HUWE1: variants seen among roughly 807,000 people sequenced by gnomAD.
The protein encoded by HUWE1 is HECT, UBA and WWE domain containing E3 ubiquitin protein ligase 1, also known as E3 ubiquitin-protein ligase HUWE1.
In HUWE1, 18 loss-of-function variants were observed where a neutral mutation model predicts 299.4. The ratio of observed to expected loss-of-function variants is 0.06; its 90% CI spans 0.04 to 0.09. The LOEUF is 0.09. Among genes scored for constraint, HUWE1 ranks in the 10% least tolerant of loss-of-function variants. The pLI is 1.00. For synonymous variants in HUWE1, 1,317 were observed against 1,286.1 expected (o/e 1.02, Z -0.51); for missense variants, 1,832 against 3,462.3 (o/e 0.53, Z 11.82).
chrX:53,556,677 T>C (rs1254036558), intron 60 of HUWE1, among the ~76,000 whole-genome samples: 1 of 111,584 alleles, frequency 9.0e-6, no homozygotes, highest in Non-Finnish European at 1.9e-5. Flanking sequence ...GCTACCTTCA[T>C]GAACAGCACA....
intron 47 of HUWE1, among the ~76,000 whole-genome samples, chrX:53,570,396 G>T (rs1324003475): frequency 4.4e-5 from 5 of 112,537 alleles, no homozygotes; most frequent in African/African-American, 1.6e-4. Flanking sequence ...TAAAGAAGTG[G>T]CTTGCACAGA....
rs782576498 is a variant in HUWE1 at position 53,536,418 on chromosome X, A to G, written c.12387T>C (p.Thr4129=). ...YDNRLLECYF[T]RSFYKHILGK... is the part of the protein sequence containing the mutation. ...CCAAGATGTGTTTGTAAAAGGATCGAGTAAAGTAGCACTCCAGAAGACGGT... is the reference window on the plus strand; with the variant it reads ...CCAAGATGTGTTTGTAAAAGGATCGGGTAAAGTAGCACTCCAGAAGACGGT... Residue 4129 remains threonine, a synonymous_variant, in exon 79 of 84, where the codon ACT becomes ACC. Coordinates refer to ENST00000262854, the MANE Select transcript of HUWE1 (RefSeq NM_031407.7). 1 of 1,211,299 alleles carries G rather than the reference A, an allele frequency of 8.3e-7. No homozygotes were observed. Among genetic ancestry groups the G allele is most frequent in the East Asian group, 3.0e-5 (1 of 33,833 alleles).
intron 12 of HUWE1, among the ~76,000 whole-genome samples, chrX:53,630,499 C>T (rs930864138): frequency 4.5e-5 from 5 of 110,703 alleles, no homozygotes; most frequent in Non-Finnish European, 9.5e-5. Flanking sequence ...TACAAAACCA[C>T]GTGTTTTCCA....
Position 53,546,543 on chromosome X carries a change from T to C in HUWE1, c.10808A>G (p.Asn3603Ser), listed in dbSNP as rs782402072. Residue 3603 changes from asparagine (N) to serine (S), a missense_variant, in exon 70 of 84, where the codon AAC becomes AGC. Physicochemically the swap from Asn to Ser is conservative, Grantham distance 46. Around this residue, in one of 15 missense-constraint regions of HUWE1, gnomAD observed 48 missense variants for 87.0 expected, o/e 0.55. Transcript: ENST00000262854. ...CCCCCGGGAGAGCTGCAGTAGTACG[T>C]TGGCTGCATCCTCTAAGCCTTCCTC... ...CSEEGLEDAA[N>S]VLLQLSRGDS... 4.1e-6 allele frequency: 5 copies of C among 1,207,669 alleles called. No individual in the cohort carries two copies. Among genetic ancestry groups the C allele is most frequent in the East Asian group, 3.0e-5 (1 of 33,779 alleles).
At chrX:53,577,457 T>TAAAAAAAA (rs782304486) in intron 43 of HUWE1, among the ~76,000 whole-genome samples, 36 of 76,857 alleles carry the variant, frequency 4.7e-4, no homozygotes, top group African/African-American at 1.8e-3. Context: ...AACGTTTTAT[T>TAAAAAAAA]AAAAAAAAAA....
intron 24 of HUWE1, among the ~76,000 whole-genome samples, chrX:53,608,225 T>C (rs782660492): frequency 8.9e-6 from 1 of 111,791 alleles, no homozygotes. Flanking sequence ...CTGGAAGTCT[T>C]GGAAGTGATT....
At chrX:53,644,455 G>A (rs782015455) in intron 7 of HUWE1, among the ~76,000 whole-genome samples, 1 of 111,695 alleles carries the variant, frequency 9.0e-6, no homozygotes, top group African/African-American at 3.3e-5. Flanking sequence ...AATATTTACA[G>A]TATCTTAAGA....
intron 74 of HUWE1, 123 bp downstream of exon 74, chrX:53,542,319 CA>C (rs2061378766): frequency 1.8e-6 from 1 of 550,928 alleles, no homozygotes; most frequent in East Asian, 3.4e-5. Flanking sequence ...TTACAGAAAC[CA>C]GGGTTTACTG....
At position 53,634,010 on chromosome X, in the gene HUWE1, ACT is replaced by A. The variant is rs782618952; in HGVS notation, c.567+224_567+225del. ...ACTCAAGAACTGGGTATGAACACACACTCTATTTCTCAGATTTTTTTATCTAC... is the reference window on the plus strand; with the variant it reads ...ACTCAAGAACTGGGTATGAACACACACTATTTCTCAGATTTTTTTATCTAC... On this transcript the variant is annotated intron_variant, in intron 8 of 83. Coordinates refer to ENST00000262854, the MANE Select transcript of HUWE1 (RefSeq NM_031407.7). Among the ~76,000 whole-genome samples the A allele has an allele frequency of 6.4e-3, 717 of 111,209 alleles. 6 individuals are homozygous for A. The highest frequency in any genetic ancestry group is 0.023 in the African/African-American group (693 of 30,438).
At chrX:53,578,552 G>A (rs1398981835) in intron 43 of HUWE1, among the ~76,000 whole-genome samples, 7 of 93,547 alleles carry the variant, frequency 7.5e-5, no homozygotes, top group South Asian at 5.4e-4. Context: ...CCCCCCGCCC[G>A]GCCAGCCGCC....
At chrX:53,544,028 A>G (rs1215927901) in intron 72 of HUWE1, 60 bp from the exon 73 acceptor site, 20 of 1,005,192 alleles carry the variant, frequency 2.0e-5, no homozygotes, top group Non-Finnish European at 2.6e-5. Flanking sequence ...AAAGCCCAAT[A>G]TTCTCTCTCC....
chrX:53,602,688 A>AAT (rs35692881), intron 27 of HUWE1, 30 bp from the exon 28 acceptor site: 9,504 of 650,479 alleles, frequency 0.015, 35 homozygotes, highest in African/African-American at 0.018. Flanking sequence ...GAGCAAAAGA[A>AAT]ATATATATAT....
intron 23 of HUWE1, among the ~76,000 whole-genome samples, chrX:53,613,907 T>C (rs2065639077): frequency 8.9e-6 from 1 of 112,177 alleles, no homozygotes; most frequent in Admixed American, 9.4e-5. Context: ...ATAAGGTCTC[T>C]GTGCAAAGTC....
rs2065689988 is a variant in HUWE1, at chrX:53,614,543, G to A, written c.2252C>T (p.Pro751Leu). 8.3e-7 allele frequency: 1 copy of A among 1,202,846 alleles called. No homozygotes were observed. The highest frequency in any genetic ancestry group is 1.1e-6 in the Non-Finnish European group (1 of 887,566). Residue 751 changes from proline (P) to leucine (L), a missense_variant, in exon 23 of 84, where the codon CCT becomes CTT. Around this residue, in one of 15 missense-constraint regions of HUWE1, gnomAD observed 658 missense variants for 1,282.6 expected, o/e 0.51. Transcript: ENST00000262854. Reference sequence around the variant, plus strand: ...TTCTGTAAACACTTACTGCTGATTAGGCTCAGTTTCATTTTGCTGGGTAGA... The same window carrying A: ...TTCTGTAAACACTTACTGCTGATTAAGCTCAGTTTCATTTTGCTGGGTAGA... Reference protein sequence around the residue: ...FNSTQQNETEPNQQVVGTEER... With the variant: ...FNSTQQNETELNQQVVGTEER...
intron 3 of HUWE1, among the ~76,000 whole-genome samples, chrX:53,669,458 T>C (rs1202740909): frequency 8.9e-6 from 1 of 112,304 alleles, no homozygotes; most frequent in East Asian, 2.8e-4. Flanking sequence ...CCAACTGGCT[T>C]TAAGACCTTA....
At chrX:53,683,010 T>C (rs1199091239) in intron 2 of HUWE1, among the ~76,000 whole-genome samples, 1 of 111,417 alleles carries the variant, frequency 9.0e-6, no homozygotes, top group Non-Finnish European at 1.9e-5. Flanking sequence ...CATACAAACA[T>C]GAAGACTTGA....
chrX:53,639,020 A>G (rs888363529), intron 7 of HUWE1, among the ~76,000 whole-genome samples: 2 of 112,669 alleles, frequency 1.8e-5, no homozygotes, highest in South Asian at 3.6e-4. Context: ...AATCTTTTAT[A>G]TAAAAGCATT....
chrX:53,552,263 T>C lies in HUWE1; in HGVS notation c.8881+48A>G. On this transcript the variant is annotated intron_variant, in intron 63 of 83. Transcript: ENST00000262854. ...TGGGCATTTCCATGCCAAGGGCTACTAGAAGCCAAAACAATCCCAGGATGA... is the reference window on the plus strand; with the variant it reads ...TGGGCATTTCCATGCCAAGGGCTACCAGAAGCCAAAACAATCCCAGGATGA... 7 of 1,205,606 alleles carry C rather than the reference T, an allele frequency of 5.8e-6. No individual in the cohort carries two copies. The South Asian group carries it at 8.8e-5, about 15-fold the overall frequency.
In HUWE1 at chrX:53,569,205, G is replaced by C. The variant is rs2062709865; in HGVS notation, c.6525-331C>G. On this transcript the variant is annotated intron_variant, in intron 48 of 83. Coordinates refer to ENST00000262854, the MANE Select transcript of HUWE1 (RefSeq NM_031407.7). Reference sequence around the variant, plus strand: ...CTACGCCCAGCTAATTTTCTGTAGAGACAGGGTTTCGCCATGTTGCCAAGG... The same window carrying C: ...CTACGCCCAGCTAATTTTCTGTAGACACAGGGTTTCGCCATGTTGCCAAGG... 2.7e-5 allele frequency among the ~76,000 whole-genome samples: 3 copies of C among 111,971 alleles called. No individual in the cohort carries two copies. The South Asian group carries it at 1.1e-3, about 42-fold the overall frequency.
Sources: allele counts gnomAD v4.1 joint callset (sites outside exome capture counted in the v4.1 genomes callset), GRCh38; gene constraint gnomAD v4.1.1; regional missense constraint gnomAD v4.1.1; transcripts MANE v1.5; gene names NCBI Gene and HGNC (gene_info 2026-07-23, HGNC 2026-07-21).